Variants in APTX observed in about 807,000 individuals in gnomAD.
APTX encodes the protein aprataxin.
A neutral mutation model predicts 42.3 loss-of-function variants in APTX; 33 were observed. The ratio of observed to expected loss-of-function variants is 0.78; its 90% CI spans 0.59 to 1.04. APTX has a LOEUF of 1.04. APTX is among the 50% of genes least tolerant of loss of function. The probability of loss-of-function intolerance (pLI) is 0.00; values close to 1 mark genes in which losing one functional copy is unlikely to be tolerated. For missense variants in APTX, 421 were observed against 415.1 expected (o/e 1.01, Z -0.12); for synonymous variants, 130 against 146.7 (o/e 0.89, Z 0.82).
At chr9:33,005,177 T>C (rs936069163), upstream of APTX, among the ~76,000 whole-genome samples, 2 of 152,168 alleles carry the variant, frequency 1.3e-5, no homozygotes, top group African/African-American at 4.8e-5. Context: ...TCTGATCAAA[T>C]ATAAGATTCC....
In APTX at chr9:32,973,381, G is replaced by A. The variant is rs752936558; in HGVS notation, c.*117C>T. On this transcript the variant is annotated 3_prime_UTR_variant, in exon 8 of 8. Coordinates refer to ENST00000379817, the MANE Select transcript of APTX (RefSeq NM_001195248.2). ...CCACTCAATAATAGAATAAATTTGTGAAAAAGCTGCATGTTTTAATTTAGG... is the reference window on the plus strand; with the variant it reads ...CCACTCAATAATAGAATAAATTTGTAAAAAAGCTGCATGTTTTAATTTAGG... 1 of 1,233,896 alleles carries A rather than the reference G, an allele frequency of 8.1e-7. No individual in the cohort carries two copies. Among genetic ancestry groups the A allele is most frequent in the East Asian group, 2.3e-5 (1 of 42,912 alleles). The allele number at this position is 1,233,896 out of a possible 1,614,324, so 76.4% of individuals were successfully genotyped here. A position where few individuals can be genotyped will look rare whatever the true frequency, so the allele number is the denominator to read the frequency against.
intron 1 of APTX, chr9:33,001,242 T>C: frequency 7.5e-7 from 1 of 1,337,144 alleles, no homozygotes; most frequent in Non-Finnish European, 9.8e-7. Flanking sequence ...GCGGAAACGC[T>C]GCCCTTCCCG....
intron 7 of APTX, among the ~76,000 whole-genome samples, chr9:32,973,942 G>A (rs993008407): frequency 2.0e-5 from 3 of 152,036 alleles, no homozygotes; most frequent in African/African-American, 7.2e-5. Flanking sequence ...TTGGCCCTTG[G>A]TAAATGCCAG....
At chr9:33,012,192 AC>A (rs1837587661) in intron 1 of APTX, among the ~76,000 whole-genome samples, 1 of 152,178 alleles carries the variant, frequency 6.6e-6, no homozygotes, top group South Asian at 2.1e-4. Flanking sequence ...AAAAATTTTA[AC>A]CACCCTCCAA....
At chr9:33,007,355 A>C (rs191168037) in intron 1 of APTX, among the ~76,000 whole-genome samples, 54 of 152,340 alleles carry the variant, frequency 3.5e-4, no homozygotes, top group Admixed American at 2.9e-3. Context: ...AGGAAGTGAC[A>C]TATTTGATGT....
Position 32,974,501 on chromosome 9 carries a change from TTTTTTG to T in APTX, c.825_830del (p.Asn275_Lys276del). ...ATTCTGTATTGAAAGAATTCCAATG[TTTTTTG>T]TTTTTAAGGCAAGGAGAATCAAAAT... On this transcript the variant is annotated inframe_deletion, in exon 7 of 8. Transcript: ENST00000379817. The T allele has an allele frequency of 6.2e-7, 1 of 1,612,024 alleles. No homozygotes were observed. Among genetic ancestry groups the T allele is most frequent in the East Asian group, 2.2e-5 (1 of 44,796 alleles).
chr9:33,000,421 G>T (rs935896968), intron 1 of APTX, among the ~76,000 whole-genome samples: 1 of 152,046 alleles, frequency 6.6e-6, no homozygotes, highest in African/African-American at 2.4e-5. Flanking sequence ...GAGGTCAGGA[G>T]TTTGAGACCA....
At chr9:32,989,727 A>G in intron 2 of APTX, 32 bp downstream of exon 2, 1 of 1,614,164 alleles carries the variant, frequency 6.2e-7, no homozygotes, top group East Asian at 2.2e-5. Context: ...CCACATAACC[A>G]TAGTAATCTC....
intron 6 of APTX, among the ~76,000 whole-genome samples, chr9:32,983,846 G>A (rs890309907): frequency 6.6e-6 from 1 of 152,178 alleles, no homozygotes; most frequent in African/African-American, 2.4e-5. Context: ...GTTGCCAGGA[G>A]TGGGAGGGGG....
intron 7 of APTX, 137 bp from the exon 8 acceptor site, chr9:32,973,789 G>T: frequency 8.6e-7 from 1 of 1,162,868 alleles, no homozygotes; most frequent in Non-Finnish European, 1.3e-6. Flanking sequence ...CGTAAGCTTA[G>T]TTTAGACTTC....
chr9:32,998,162 C>T (rs1835404089), intron 1 of APTX, among the ~76,000 whole-genome samples: 2 of 152,166 alleles, frequency 1.3e-5, no homozygotes, highest in African/African-American at 4.8e-5. Flanking sequence ...GTGGGACTTG[C>T]AGGCAGAGCT....
intron 7 of APTX, 72 bp from the exon 8 acceptor site, chr9:32,973,724 A>G (rs769134226): frequency 2.4e-5 from 39 of 1,593,208 alleles, no homozygotes; most frequent in South Asian, 1.2e-4. Flanking sequence ...AAAAAAAAAA[A>G]AAAAATCAAA....
At chr9:32,999,196 C>A (rs1430683467) in intron 1 of APTX, among the ~76,000 whole-genome samples, 2 of 152,106 alleles carry the variant, frequency 1.3e-5, no homozygotes, top group East Asian at 1.9e-4. Context: ...CAGTAATAAT[C>A]AAAAAATTTT....
upstream of APTX, among the ~76,000 whole-genome samples, chr9:33,003,491 G>A (rs1038937265): frequency 8.5e-5 from 13 of 152,268 alleles, no homozygotes; most frequent in African/African-American, 3.1e-4. Flanking sequence ...GACCAGCCTG[G>A]CGTGGCGGAA....
intron 6 of APTX, among the ~76,000 whole-genome samples, chr9:32,984,064 TATC>T (rs1418561680): frequency 6.6e-6 from 1 of 152,222 alleles, no homozygotes; most frequent in African/African-American, 2.4e-5. Flanking sequence ...AATCTAGACT[TATC>T]ATCTTATTGC....
At chr9:33,017,113 C>T (rs12375607) in intron 1 of APTX, among the ~76,000 whole-genome samples, 10,734 of 152,186 alleles carry the variant, frequency 0.071, 515 homozygotes, top group Non-Finnish European at 0.11. Flanking sequence ...CTGCAGATAC[C>T]AACTGGGTAT....
At chr9:33,000,831 CTTTT>C (rs374850423) in intron 1 of APTX, among the ~76,000 whole-genome samples, 2 of 123,482 alleles carry the variant, frequency 1.6e-5, no homozygotes, top group Admixed American at 8.5e-5. Context: ...TGGGGAAAGG[CTTTT>C]TTTTTTTTTC....
At chr9:32,991,412 T>C (rs1486494752) in intron 1 of APTX, among the ~76,000 whole-genome samples, 1 of 152,056 alleles carries the variant, frequency 6.6e-6, no homozygotes, top group South Asian at 2.1e-4. Flanking sequence ...GCAAAGGGGA[T>C]GGAGAGCAAG....
intron 1 of APTX, among the ~76,000 whole-genome samples, chr9:33,024,511 ACT>A (rs1271066635): frequency 1.3e-5 from 2 of 152,016 alleles, no homozygotes; most frequent in African/African-American, 4.8e-5. Context: ...TTAGTCAGAC[ACT>A]CTTGCGGCTA....
Sources: allele counts gnomAD v4.1 joint callset (sites outside exome capture counted in the v4.1 genomes callset), GRCh38; gene constraint gnomAD v4.1.1; transcripts MANE v1.5; gene names NCBI Gene and HGNC (gene_info 2026-07-23, HGNC 2026-07-21).